The following PIEZO2 variants were observed in gnomAD, a reference collection of about 807,000 sequenced individuals.
PIEZO2 encodes the protein piezo-type mechanosensitive ion channel component 2.
A neutral mutation model predicts 337.3 loss-of-function variants in PIEZO2; 172 were observed. The ratio of observed to expected loss-of-function variants is 0.51; its 90% CI spans 0.45 to 0.58. PIEZO2 has a LOEUF of 0.58. Among genes scored for constraint, PIEZO2 ranks in the 20% least tolerant of loss-of-function variants. PIEZO2 has a pLI of 0.00. For synonymous variants in PIEZO2, 1,251 were observed against 1,228.5 expected (o/e 1.02, Z -0.38); for missense variants, 3,028 against 3,391.3 (o/e 0.89, Z 2.66).
intron 4 of PIEZO2, among the ~76,000 whole-genome samples, chr18:10,907,205 G>A (rs1057292346): frequency 5.3e-5 from 8 of 152,144 alleles, no homozygotes; most frequent in African/African-American, 1.7e-4. Context: ...CACTTAGGGA[G>A]GCTGAGGCAG....
At chr18:10,731,325 G>A (rs186496931) in intron 36 of PIEZO2, 82 bp downstream of exon 36, 199 of 885,286 alleles carry the variant, frequency 2.2e-4, no homozygotes, top group African/African-American at 2.2e-3. Flanking sequence ...TCCCTCAGAA[G>A]TTTCTGTCCT....
At chr18:11,061,897 G>A (rs1309041461) in intron 2 of PIEZO2, among the ~76,000 whole-genome samples, 1 of 152,060 alleles carries the variant, frequency 6.6e-6, no homozygotes, top group South Asian at 2.1e-4. Context: ...TCACAGAATT[G>A]GAAAAAACTA....
At chr18:10,709,540 C>G (rs2035731516) in intron 39 of PIEZO2, 1 of 152,270 alleles carries the variant, frequency 6.6e-6, no homozygotes, top group East Asian at 1.9e-4. Context: ...TGAACTCTGT[C>G]ATCAAGTGAA....
At chr18:11,014,630 C>T (rs1002842191) in intron 2 of PIEZO2, among the ~76,000 whole-genome samples, 8 of 147,904 alleles carry the variant, frequency 5.4e-5, no homozygotes, top group African/African-American at 5.1e-5. Flanking sequence ...ACACGTCACT[C>T]TGGGTGGGAC....
chr18:10,913,969 G>A lies in PIEZO2; in HGVS notation c.287-2741C>T, dbSNP rs1273009050. 5.9e-5 allele frequency among the ~76,000 whole-genome samples: 9 copies of A among 152,228 alleles called. No individual in the cohort carries two copies. In the East Asian group the frequency reaches 1.7e-3, roughly 29 times the overall value. On this transcript the variant is annotated intron_variant, in intron 3 of 55. Coordinates refer to ENST00000674853, the MANE Select transcript of PIEZO2 (RefSeq NM_001378183.1). ...CCCTCAAACTCCACATACCCTAGAGGTTTGGATTTTTATGTCTTTTGTGAG... is the reference window on the plus strand; with the variant it reads ...CCCTCAAACTCCACATACCCTAGAGATTTGGATTTTTATGTCTTTTGTGAG...
At chr18:11,088,336 C>T (rs1183381177) in intron 1 of PIEZO2, among the ~76,000 whole-genome samples, 1 of 152,160 alleles carries the variant, frequency 6.6e-6, no homozygotes, top group East Asian at 1.9e-4. Flanking sequence ...AAAAAAAGTG[C>T]CACAACACAT....
intron 1 of PIEZO2, among the ~76,000 whole-genome samples, chr18:11,108,955 A>G (rs937259195): frequency 2.6e-5 from 4 of 152,218 alleles, no homozygotes; most frequent in African/African-American, 9.6e-5. Flanking sequence ...GAGATTTTCA[A>G]CAGAACAAAG....
chr18:10,706,769 C>T (rs7232089), intron 40 of PIEZO2, among the ~76,000 whole-genome samples: 9 of 151,944 alleles, frequency 5.9e-5, no homozygotes, highest in African/African-American at 2.2e-4. Flanking sequence ...CAGCCACGGA[C>T]GGGAGAGGGG....
intron 2 of PIEZO2, among the ~76,000 whole-genome samples, chr18:11,058,876 C>G (rs183449140): frequency 1.3e-5 from 2 of 152,120 alleles, no homozygotes; most frequent in South Asian, 4.1e-4. Flanking sequence ...GCAAGGCAGG[C>G]CAACATTCAA....
intron 9 of PIEZO2, among the ~76,000 whole-genome samples, chr18:10,802,946 T>A (rs909809340): frequency 4.2e-5 from 6 of 142,564 alleles, no homozygotes; most frequent in Non-Finnish European, 9.0e-5. Flanking sequence ...CACTCCAGCC[T>A]GGGTGACAGA....
chr18:11,134,991 C>T (rs76482147), intron 1 of PIEZO2, among the ~76,000 whole-genome samples: 1 of 151,324 alleles, frequency 6.6e-6, no homozygotes, highest in Non-Finnish European at 1.5e-5. Flanking sequence ...CCCCACCCCA[C>T]CCACGGTGTT....
At position 10,855,043 on chromosome 18, in the gene PIEZO2, G is replaced by A. The variant is rs1237489405; in HGVS notation, c.917+310C>T. Reference sequence around the variant, plus strand: ...CTGTGGCACATCCTTATTGTTCTTCGGTGTAAAATGTTCTTCCTGATCTTC... The same window carrying A: ...CTGTGGCACATCCTTATTGTTCTTCAGTGTAAAATGTTCTTCCTGATCTTC... On this transcript the variant is annotated intron_variant, in intron 7 of 55. Transcript: ENST00000674853. The surrounding 1 kb of genome is among the most constrained non-coding windows in gnomAD (Gnocchi z 4.9). Among the ~76,000 whole-genome samples the A allele has an allele frequency of 2.0e-5, 3 of 152,010 alleles. No homozygotes were observed. Among genetic ancestry groups the A allele is most frequent in the Admixed American group, 6.6e-5 (1 of 15,262 alleles).
chr18:10,725,431 G>C, intron 36 of PIEZO2: 2 of 1,600,422 alleles, frequency 1.2e-6, no homozygotes, highest in Non-Finnish European at 1.7e-6. Context: ...CGCCAGTACT[G>C]GTTGGAGGGC....
intron 7 of PIEZO2, among the ~76,000 whole-genome samples, chr18:10,848,587 C>A (rs568034562): frequency 6.6e-6 from 1 of 152,272 alleles, no homozygotes; most frequent in South Asian, 2.1e-4. Context: ...TTCCTTCCCA[C>A]CCTTCATTTT....
chr18:11,004,398 C>T (rs2035650673), intron 2 of PIEZO2, among the ~76,000 whole-genome samples: 1 of 152,194 alleles, frequency 6.6e-6, no homozygotes, highest in Non-Finnish European at 1.5e-5. Context: ...CAGCCCCCGC[C>T]CCATATTTCT....
intron 3 of PIEZO2, among the ~76,000 whole-genome samples, chr18:10,918,950 C>T (rs916709145): frequency 6.6e-6 from 1 of 151,902 alleles, no homozygotes; most frequent in Non-Finnish European, 1.5e-5. Context: ...TCCTTTAGGG[C>T]AAATTCCTAG....
In PIEZO2 at chr18:10,680,224, C is replaced by T. The variant is rs753081141; in HGVS notation, c.7927G>A (p.Val2643Ile). The T allele has an allele frequency of 1.9e-6, 3 of 1,613,198 alleles. No homozygotes were observed. Among genetic ancestry groups the T allele is most frequent in the Non-Finnish European group, 2.5e-6 (3 of 1,179,564 alleles). ...CTCTGAATACTCCATGAAAAAACAACAGAGAAGCTACTATTGGGGTCCAGG... is the reference window on the plus strand; with the variant it reads ...CTCTGAATACTCCATGAAAAAACAATAGAGAAGCTACTATTGGGGTCCAGG... ...ELLDPNSSFS[V>I]VFSWSIQRNL... The change falls in exon 52 of 56, where the codon GTT becomes ATT. Residue 2643 changes from valine to isoleucine, a missense_variant. Val to Ile is a conservative substitution (Grantham distance 29). Around this residue, in one of 5 missense-constraint regions of PIEZO2, gnomAD observed 332 missense variants for 363.8 expected, o/e 0.91. Coordinates refer to ENST00000674853, the MANE Select transcript of PIEZO2 (RefSeq NM_001378183.1).
intron 1 of PIEZO2, among the ~76,000 whole-genome samples, chr18:11,071,146 A>G (rs1296166027): frequency 1.3e-5 from 2 of 152,202 alleles, no homozygotes; most frequent in African/African-American, 4.8e-5. Context: ...AGTCATGCAC[A>G]TATTTGTTGC....
chr18:11,051,136 A>T (rs1197741682), intron 2 of PIEZO2, among the ~76,000 whole-genome samples: 2 of 152,118 alleles, frequency 1.3e-5, no homozygotes, highest in Non-Finnish European at 2.9e-5. Context: ...AACCCAATGG[A>T]AGAGACTTCA....
Sources: allele counts gnomAD v4.1 joint callset (sites outside exome capture counted in the v4.1 genomes callset), GRCh38; gene constraint gnomAD v4.1.1; regional missense constraint gnomAD v4.1.1; non-coding constraint Gnocchi (gnomAD v3.1); transcripts MANE v1.5; gene names NCBI Gene and HGNC (gene_info 2026-07-23, HGNC 2026-07-21).